Variants in CPNE8 observed in about 807,000 individuals in gnomAD.
CPNE8 encodes copine-8.
A neutral mutation model predicts 81.5 loss-of-function variants in CPNE8; 45 were observed. The observed-to-expected ratio is 0.55, with a 90% confidence interval of 0.44 to 0.71. The LOEUF (loss-of-function observed/expected upper bound fraction) is 0.71. Ranked by LOEUF, CPNE8 falls within the 30% of genes least tolerant of loss-of-function variation. The pLI is 0.00. For missense variants in CPNE8, 594 were observed against 672.1 expected (o/e 0.88, Z 1.28); for synonymous variants, 252 against 226.3 (o/e 1.11, Z -1.02).
intron 10 of CPNE8, among the ~76,000 whole-genome samples, chr12:38,755,875 C>T (rs1941445973): frequency 6.6e-6 from 1 of 151,476 alleles, no homozygotes; most frequent in Non-Finnish European, 1.5e-5. Context: ...CCCGTCTCTA[C>T]TAAAAATACA....
chr12:38,844,094 C>T (rs984889938), intron 4 of CPNE8, among the ~76,000 whole-genome samples: 7 of 152,018 alleles, frequency 4.6e-5, no homozygotes, highest in African/African-American at 1.7e-4. Flanking sequence ...CTTATTTTTC[C>T]TCAAAGTGTT....
chr12:38,836,721 T>G (rs11169760), intron 5 of CPNE8, among the ~76,000 whole-genome samples: 44,682 of 152,082 alleles, frequency 0.29, 8,142 homozygotes, highest in Non-Finnish European at 0.41. Flanking sequence ...ACAACAGTCT[T>G]AATGAATCAT....
At chr12:38,894,053 A>C (rs1319695526) in intron 1 of CPNE8, among the ~76,000 whole-genome samples, 1 of 152,156 alleles carries the variant, frequency 6.6e-6, no homozygotes, top group African/African-American at 2.4e-5. Context: ...AAAATTATGA[A>C]CCTCCAAGTA....
At chr12:38,880,268 G>T (rs17126734) in intron 1 of CPNE8, among the ~76,000 whole-genome samples, 1,650 of 152,146 alleles carry the variant, frequency 0.011, 22 homozygotes, top group South Asian at 0.038. Flanking sequence ...TATTTTTCAG[G>T]GTAGTCTCTG....
intron 4 of CPNE8, 51 bp from the exon 5 acceptor site, chr12:38,840,006 A>G (rs1362537632): frequency 4.7e-6 from 7 of 1,486,368 alleles, no homozygotes; most frequent in Admixed American, 4.3e-5. Flanking sequence ...ATACAGCTAG[A>G]AAAAAAACCA....
chr12:38,872,600 A>G (rs549511378), intron 3 of CPNE8, among the ~76,000 whole-genome samples: 2 of 152,340 alleles, frequency 1.3e-5, no homozygotes, highest in East Asian at 3.9e-4. Context: ...ATTTTTAAAT[A>G]TGTTGCAAAA....
chr12:38,875,928 AG>A (rs1483143851), intron 1 of CPNE8, among the ~76,000 whole-genome samples: 1 of 152,232 alleles, frequency 6.6e-6, no homozygotes, highest in Non-Finnish European at 1.5e-5. Context: ...TATTATACAA[AG>A]GTAGTTCTTC....
intron 17 of CPNE8, 52 bp downstream of exon 17, chr12:38,677,400 G>GT: frequency 1.1e-6 from 1 of 938,454 alleles, no homozygotes; most frequent in Non-Finnish European, 1.8e-6. Context: ...CTCTCTCTAA[G>GT]TAGCACCATG....
At chr12:38,814,610 T>C (rs1281703349) in intron 6 of CPNE8, among the ~76,000 whole-genome samples, 1 of 152,082 alleles carries the variant, frequency 6.6e-6, no homozygotes, top group Admixed American at 6.5e-5. Flanking sequence ...CCTATTGATT[T>C]AGGGTGGGCT....
intron 6 of CPNE8, among the ~76,000 whole-genome samples, chr12:38,802,798 G>C (rs1374995849): frequency 7.2e-6 from 1 of 138,906 alleles, no homozygotes; most frequent in Non-Finnish European, 1.6e-5. Flanking sequence ...GAATCAAATA[G>C]ACACAATAAA....
intron 10 of CPNE8, among the ~76,000 whole-genome samples, chr12:38,759,074 T>C (rs562379895): frequency 6.6e-6 from 1 of 152,308 alleles, no homozygotes; most frequent in East Asian, 1.9e-4. Flanking sequence ...TAATATCACA[T>C]ACATTTCTGT....
chr12:38,877,380 A>T (rs1003428111), intron 1 of CPNE8, among the ~76,000 whole-genome samples: 1 of 151,952 alleles, frequency 6.6e-6, no homozygotes, highest in Non-Finnish European at 1.5e-5. Flanking sequence ...CCCCTCCATG[A>T]CCAGATTTTA....
At chr12:38,767,056 A>C (rs1941705410) in intron 8 of CPNE8, among the ~76,000 whole-genome samples, 1 of 152,124 alleles carries the variant, frequency 6.6e-6, no homozygotes, top group Admixed American at 6.6e-5. Flanking sequence ...ATTCTCACAA[A>C]TACTAATAGT....
chr12:38,827,011 T>C (rs957702734), intron 6 of CPNE8, among the ~76,000 whole-genome samples: 1 of 48,478 alleles, frequency 2.1e-5, no homozygotes, highest in Non-Finnish European at 4.4e-5. Context: ...CTACTAAAAA[T>C]ACAAAAAAAA....
At chr12:38,755,785 A>G (rs1032235359) in intron 10 of CPNE8, among the ~76,000 whole-genome samples, 3 of 152,128 alleles carry the variant, frequency 2.0e-5, no homozygotes, top group African/African-American at 7.2e-5. Flanking sequence ...TCACGCCTGT[A>G]ATCCCAGCAC....
chr12:38,794,633 T>G (rs1252807632), intron 6 of CPNE8, among the ~76,000 whole-genome samples: 1 of 146,874 alleles, frequency 6.8e-6, no homozygotes, highest in Non-Finnish European at 1.5e-5. Flanking sequence ...TAACTACTAT[T>G]TAAAAAAAAA....
rs1592061630 is a variant in CPNE8, at chr12:38,753,357, C to T, written c.722+7490G>A. Among the ~76,000 whole-genome samples the T allele has an allele frequency of 5.3e-5, 8 of 152,278 alleles. No homozygotes were observed. The South Asian group carries it at 1.5e-3, about 28-fold the overall frequency. Reference sequence around the variant, plus strand: ...ATCCCAGCGACTCAGGAGGCTGAGACAGGAGAATCACCTGAATCTGGGAAG... The same window carrying T: ...ATCCCAGCGACTCAGGAGGCTGAGATAGGAGAATCACCTGAATCTGGGAAG... On this transcript the variant is annotated intron_variant, in intron 10 of 19. Transcript: ENST00000331366.
chr12:38,732,709 C>T (rs1592046329), intron 10 of CPNE8, among the ~76,000 whole-genome samples: 1 of 151,964 alleles, frequency 6.6e-6, no homozygotes, highest in South Asian at 2.1e-4. Flanking sequence ...ATTTCTCACC[C>T]TATATTACTC....
At chr12:38,885,512 G>A (rs147702606) in intron 1 of CPNE8, among the ~76,000 whole-genome samples, 389 of 152,198 alleles carry the variant, frequency 2.6e-3, no homozygotes, top group African/African-American at 8.0e-3. Context: ...GGAAATTTAC[G>A]GTGAAAATAC....
Sources: gnomAD v4.1 joint callset for allele counts (sites outside exome capture counted in the v4.1 genomes callset) on GRCh38, gnomAD v4.1.1 for gene constraint, MANE v1.5 for transcripts, NCBI Gene and HGNC (gene_info 2026-07-23, HGNC 2026-07-21) for gene names.